OPCML: variants seen among roughly 807,000 people sequenced by gnomAD.
OPCML encodes the protein opioid binding protein/cell adhesion molecule like, also known as opioid-binding protein/cell adhesion molecule.
A neutral mutation model predicts 37.8 loss-of-function variants in OPCML; 13 were observed. The ratio of observed to expected loss-of-function variants is 0.34; its 90% CI spans 0.22 to 0.55. The LOEUF (loss-of-function observed/expected upper bound fraction) is 0.55. Among genes scored for constraint, OPCML ranks in the 20% least tolerant of loss-of-function variants. The probability of loss-of-function intolerance (pLI) is 0.91; values close to 1 mark genes in which losing one functional copy is unlikely to be tolerated. For synonymous variants in OPCML, 176 were observed against 168.8 expected (o/e 1.04, Z -0.33); for missense variants, 341 against 435.6 (o/e 0.78, Z 1.93).
chr11:132,617,638 T>G (rs1939121588), intron 3 of OPCML, among the ~76,000 whole-genome samples: 1 of 152,216 alleles, frequency 6.6e-6, no homozygotes, highest in African/African-American at 2.4e-5. Context: ...AACAGAAATT[T>G]ATTTTCTTGT....
intron 2 of OPCML, among the ~76,000 whole-genome samples, chr11:132,810,572 T>A (rs1362367339): frequency 6.6e-6 from 1 of 152,086 alleles, no homozygotes; most frequent in Non-Finnish European, 1.5e-5. Flanking sequence ...GTGCCTATAA[T>A]CCCTGCTACT....
intron 2 of OPCML, among the ~76,000 whole-genome samples, chr11:132,751,889 C>T (rs796723028): frequency 6.6e-6 from 1 of 152,180 alleles, no homozygotes; most frequent in South Asian, 2.1e-4. Context: ...AGCACATGTG[C>T]TTATAACTGT....
chr11:133,302,478 A>G (rs1460851463), intron 1 of OPCML: 1 of 152,196 alleles, frequency 6.6e-6, no homozygotes, highest in Non-Finnish European at 1.5e-5. Flanking sequence ...ATTTCTTCAT[A>G]GCAAAGTGAG....
At chr11:132,549,911 G>C (rs73035379) in intron 3 of OPCML, among the ~76,000 whole-genome samples, 3,143 of 152,220 alleles carry the variant, frequency 0.021, 103 homozygotes, top group East Asian at 0.042. Context: ...GGCCCTTTCA[G>C]CTCAGAGACC....
At chr11:133,255,275 T>G (rs902540813) in intron 1 of OPCML, among the ~76,000 whole-genome samples, 1 of 152,158 alleles carries the variant, frequency 6.6e-6, no homozygotes, top group Non-Finnish European at 1.5e-5. Flanking sequence ...AGTCCTGCTG[T>G]CTGGAGAGAT....
intron 1 of OPCML, among the ~76,000 whole-genome samples, chr11:133,524,731 T>A (rs1016525393): frequency 6.6e-6 from 1 of 152,226 alleles, no homozygotes; most frequent in Admixed American, 6.5e-5. Context: ...TGGTGTTTAT[T>A]GACAAGCAAG....
chr11:133,528,187 C>G, intron 1 of OPCML, among the ~76,000 whole-genome samples: 1 of 152,374 alleles, frequency 6.6e-6, no homozygotes, highest in East Asian at 1.9e-4. Context: ...TTCCAGGCTA[C>G]TGAAAAAGCC....
chr11:133,420,282 C>A (rs1478333944), intron 1 of OPCML: 1 of 985,224 alleles, frequency 1.0e-6, no homozygotes, highest in African/African-American at 1.7e-5. Flanking sequence ...TACTCCTGAA[C>A]GTCTTTGGCA....
chr11:133,214,494 A>G (rs1403401290), intron 1 of OPCML, among the ~76,000 whole-genome samples: 1 of 152,134 alleles, frequency 6.6e-6, no homozygotes, highest in Non-Finnish European at 1.5e-5. Context: ...TCAGGTTTTG[A>G]AAAAAAGGCG....
intron 2 of OPCML, among the ~76,000 whole-genome samples, chr11:132,691,445 T>C (rs1163881495): frequency 6.6e-6 from 1 of 152,254 alleles, no homozygotes; most frequent in Non-Finnish European, 1.5e-5. Flanking sequence ...TGTCAACTTC[T>C]GTGTTATTTC....
At chr11:132,606,955 G>A (rs530558479) in intron 3 of OPCML, among the ~76,000 whole-genome samples, 6 of 152,140 alleles carry the variant, frequency 3.9e-5, no homozygotes, top group Non-Finnish European at 8.8e-5. Context: ...AGGGGTTTCT[G>A]TCTGTTAGGT....
chr11:133,031,400 TG>T (rs1256284169), intron 1 of OPCML, among the ~76,000 whole-genome samples: 1 of 130,158 alleles, frequency 7.7e-6, no homozygotes, highest in Non-Finnish European at 1.7e-5. Flanking sequence ...GTTGGTTGGA[TG>T]GGTAGGTGAA....
chr11:132,517,770 T>A (rs2096283334), intron 4 of OPCML, among the ~76,000 whole-genome samples: 1 of 152,216 alleles, frequency 6.6e-6, no homozygotes, highest in African/African-American at 2.4e-5. Context: ...CTATGATACA[T>A]GTTAATATTC....
intron 1 of OPCML, among the ~76,000 whole-genome samples, chr11:133,359,690 T>C (rs893224269): frequency 1.1e-4 from 16 of 152,226 alleles, no homozygotes; most frequent in Non-Finnish European, 2.2e-4. Flanking sequence ...GCCCATGGTG[T>C]TCTATACATT....
At chr11:133,314,557 GAAAAA>G (rs58045536) in intron 1 of OPCML, among the ~76,000 whole-genome samples, 1 of 140,950 alleles carries the variant, frequency 7.1e-6, no homozygotes, top group Non-Finnish European at 1.6e-5. Flanking sequence ...TCCATAATAA[GAAAAA>G]AAAAAAAAAG....
intron 2 of OPCML, among the ~76,000 whole-genome samples, chr11:132,677,538 G>C (rs1272141078): frequency 6.6e-6 from 1 of 152,120 alleles, no homozygotes; most frequent in Non-Finnish European, 1.5e-5. Context: ...AAGACAGCAT[G>C]TATTATTGGC....
At chr11:132,543,794 T>A (rs2096362798) in intron 3 of OPCML, among the ~76,000 whole-genome samples, 1 of 152,126 alleles carries the variant, frequency 6.6e-6, no homozygotes, top group African/African-American at 2.4e-5. Flanking sequence ...TCATGCTGGA[T>A]CCACAAAAGA....
chr11:133,314,877 T>C (rs897277128), intron 1 of OPCML, among the ~76,000 whole-genome samples: 1 of 152,228 alleles, frequency 6.6e-6, no homozygotes, highest in Non-Finnish European at 1.5e-5. Flanking sequence ...ATAATGTTTG[T>C]TGTCGTGCTG....
chr11:132,705,657 C>T (rs1389801353), intron 2 of OPCML, among the ~76,000 whole-genome samples: 2 of 152,092 alleles, frequency 1.3e-5, no homozygotes, highest in East Asian at 1.9e-4. Flanking sequence ...CCTGCTTTTG[C>T]CGTGTGACAT....
Sources: gnomAD v4.1 joint callset for allele counts (sites outside exome capture counted in the v4.1 genomes callset) on GRCh38, gnomAD v4.1.1 for gene constraint, MANE v1.5 for transcripts, NCBI Gene and HGNC (gene_info 2026-07-23, HGNC 2026-07-21) for gene names.